Variants in LINGO2 observed in about 807,000 individuals in gnomAD.
LINGO2 encodes leucine rich repeat and Ig domain containing 2, also known as leucine-rich repeat and immunoglobulin-like domain-containing nogo receptor-interacting protein 2.
LINGO2 carries 14 observed loss-of-function variants against 30.6 expected under a neutral mutation model. The ratio of observed to expected loss-of-function variants is 0.46; its 90% CI spans 0.30 to 0.72. The LOEUF (loss-of-function observed/expected upper bound fraction) is 0.72. Among genes scored for constraint, LINGO2 ranks in the 30% least tolerant of loss-of-function variants. The pLI, the probability that LINGO2 is intolerant of heterozygous loss-of-function variation, is 0.07. For missense variants in LINGO2, 729 were observed against 751.7 expected, an observed-to-expected ratio of 0.97 and a Z score of 0.35; for synonymous variants, 317 against 288.5, an observed-to-expected ratio of 1.10 and a Z score of -1.00.
the LINGO2 span, among the ~76,000 whole-genome samples, chr9:29,115,753 A>C: frequency 6.6e-6 from 1 of 152,100 alleles, no homozygotes; most frequent in African/African-American, 2.4e-5. Flanking sequence ...ATGCATGGAT[A>C]CAAAAGTAAT....
chr9:28,814,166 C>T, the LINGO2 span, among the ~76,000 whole-genome samples: 2 of 152,172 alleles, frequency 1.3e-5, no homozygotes, highest in African/African-American at 4.8e-5. Flanking sequence ...AGGCCTGGTG[C>T]TTTGGCTCAT....
At chr9:28,349,942 C>A (rs13296754) in intron 3 of LINGO2, among the ~76,000 whole-genome samples, 1 of 152,052 alleles carries the variant, frequency 6.6e-6, no homozygotes, top group Non-Finnish European at 1.5e-5. Context: ...TACAGACAAG[C>A]AAATGCTGAG....
At chr9:27,968,572 T>G (rs1055533581) in intron 5 of LINGO2, among the ~76,000 whole-genome samples, 7 of 152,002 alleles carry the variant, frequency 4.6e-5, no homozygotes, top group African/African-American at 1.7e-4. Flanking sequence ...TAGTTACTTA[T>G]TCTAGGAGTT....
At chr9:29,177,400 C>T in the LINGO2 span, among the ~76,000 whole-genome samples, 9 of 152,144 alleles carry the variant, frequency 5.9e-5, no homozygotes, top group Admixed American at 2.0e-4. Flanking sequence ...GTAGAACAAG[C>T]CTGAGCATAG....
chr9:28,069,106 G>C (rs1285606270), intron 4 of LINGO2, among the ~76,000 whole-genome samples: 1 of 152,162 alleles, frequency 6.6e-6, no homozygotes, highest in Non-Finnish European at 1.5e-5. Flanking sequence ...GACGTGCAGA[G>C]TGTTTTTGGT....
chr9:28,892,306 T>C, the LINGO2 span, among the ~76,000 whole-genome samples: 1 of 151,980 alleles, frequency 6.6e-6, no homozygotes, highest in South Asian at 2.1e-4. Flanking sequence ...ACTATGCCCA[T>C]ACACTTTACA....
At chr9:29,054,165 A>G in the LINGO2 span, among the ~76,000 whole-genome samples, 1 of 152,138 alleles carries the variant, frequency 6.6e-6, no homozygotes, top group Non-Finnish European at 1.5e-5. Context: ...GATCTTTCAT[A>G]TTTTATGTAT....
chr9:29,026,391 T>C, the LINGO2 span, among the ~76,000 whole-genome samples: 1 of 152,168 alleles, frequency 6.6e-6, no homozygotes, highest in Non-Finnish European at 1.5e-5. Context: ...AAGCAGGCTT[T>C]TTATAAATGA....
chr9:28,871,667 C>T, the LINGO2 span, among the ~76,000 whole-genome samples: 4 of 151,848 alleles, frequency 2.6e-5, no homozygotes, highest in Non-Finnish European at 5.9e-5. Context: ...TTTATCTTTG[C>T]AGCACATAAG....
the LINGO2 span, among the ~76,000 whole-genome samples, chr9:28,838,640 C>G: frequency 6.6e-6 from 1 of 152,174 alleles, no homozygotes; most frequent in African/African-American, 2.4e-5. Flanking sequence ...CTCTCATTCT[C>G]CTATATATTC....
intron 1 of LINGO2, among the ~76,000 whole-genome samples, chr9:28,649,368 A>G (rs996941598): frequency 6.6e-6 from 1 of 152,148 alleles, no homozygotes; most frequent in Non-Finnish European, 1.5e-5. Flanking sequence ...TTAAATCCTC[A>G]TAACAGTTCT....
the LINGO2 span, among the ~76,000 whole-genome samples, chr9:28,733,424 T>C: frequency 6.6e-6 from 1 of 152,148 alleles, no homozygotes; most frequent in Non-Finnish European, 1.5e-5. Context: ...TCAAAAAATA[T>C]TGTGGAAAAT....
At chr9:28,835,579 A>G in the LINGO2 span, among the ~76,000 whole-genome samples, 1 of 152,216 alleles carries the variant, frequency 6.6e-6, no homozygotes, top group Non-Finnish European at 1.5e-5. Context: ...AGTGGTTTTG[A>G]CCAACATATA....
chr9:28,072,387 A>G (rs1563958470), intron 4 of LINGO2, among the ~76,000 whole-genome samples: 1 of 152,204 alleles, frequency 6.6e-6, no homozygotes, highest in Non-Finnish European at 1.5e-5. Flanking sequence ...GTCTCAGAAC[A>G]TTTTCCATCT....
At chr9:28,698,961 A>T in the LINGO2 span, among the ~76,000 whole-genome samples, 1 of 151,868 alleles carries the variant, frequency 6.6e-6, no homozygotes, top group African/African-American at 2.4e-5. Flanking sequence ...AGGTTCACTG[A>T]AGCCCAGAAG....
the LINGO2 span, among the ~76,000 whole-genome samples, chr9:29,213,102 T>C: frequency 1.3e-5 from 2 of 152,024 alleles, no homozygotes; most frequent in Non-Finnish European, 2.9e-5. Context: ...CTCCAAGCCT[T>C]CGTACCAGTG....
intron 1 of LINGO2, among the ~76,000 whole-genome samples, chr9:28,597,275 C>T (rs117456683): frequency 6.6e-6 from 1 of 152,246 alleles, no homozygotes; most frequent in East Asian, 1.9e-4. Flanking sequence ...TCTTCAATTG[C>T]AGCAGTTTGC....
intron 4 of LINGO2, among the ~76,000 whole-genome samples, chr9:28,266,090 T>A (rs1202938516): frequency 6.6e-6 from 1 of 152,030 alleles, no homozygotes; most frequent in Non-Finnish European, 1.5e-5. Flanking sequence ...AAACTAAGTA[T>A]GCCTTTTCTT....
exon 6 of LINGO2, chr9:27,950,177 C>G: frequency 6.2e-7 from 1 of 1,614,016 alleles, no homozygotes; most frequent in Non-Finnish European, 8.5e-7. Context: ...ATATATAAAC[C>G]AAATCATTGT....
Sources: gnomAD v4.1 joint callset for allele counts (sites outside exome capture counted in the v4.1 genomes callset) on GRCh38, gnomAD v4.1.1 for gene constraint, MANE v1.5 for transcripts, NCBI Gene and HGNC (gene_info 2026-07-23, HGNC 2026-07-21) for gene names.